Variants in PIAS1 observed in about 807,000 individuals in gnomAD.
PIAS1 encodes the protein E3 SUMO-protein ligase PIAS1.
In PIAS1, 6 loss-of-function variants were observed where a neutral mutation model predicts 71.3. That is an observed-to-expected ratio of 0.08 (90% CI 0.05 to 0.17). The LOEUF is 0.17. Ranked by LOEUF, PIAS1 falls within the 10% of genes least tolerant of loss-of-function variation. The probability of loss-of-function intolerance (pLI) is 1.00; values close to 1 mark genes in which losing one functional copy is unlikely to be tolerated. For synonymous variants in PIAS1, 303 were observed against 292.9 expected, an observed-to-expected ratio of 1.03 and a Z score of -0.35; for missense variants, 555 against 793.6, an observed-to-expected ratio of 0.70 and a Z score of 3.61.
At chr15:68,141,450 T>A (rs1233245501) in intron 2 of PIAS1, among the ~76,000 whole-genome samples, 1 of 152,162 alleles carries the variant, frequency 6.6e-6, no homozygotes, top group Non-Finnish European at 1.5e-5. Context: ...CTGTATGTGA[T>A]ATTTATTGTA....
At chr15:68,145,705 T>A (rs761616316) in intron 4 of PIAS1, 111 bp from the exon 5 acceptor site, 1 of 647,612 alleles carries the variant, frequency 1.5e-6, no homozygotes, top group African/African-American at 1.8e-5. Context: ...TTTATAGTTT[T>A]CCCTTTTGGT....
At chr15:68,153,130 T>C (rs1405183653) in intron 6 of PIAS1, among the ~76,000 whole-genome samples, 1 of 152,086 alleles carries the variant, frequency 6.6e-6, no homozygotes, top group African/African-American at 2.4e-5. Context: ...ATCTCATTTG[T>C]CATTTAAAAA....
chr15:68,090,294 C>T lies in PIAS1; in HGVS notation c.469+3544C>T, dbSNP rs567974095. On this transcript the variant is annotated intron_variant, in intron 2 of 13. Transcript: ENST00000249636. The stretch of plus-strand genomic sequence containing the variant: ...CTTGGTTTGCTGTGGCCTTAACCTC[C>T]CTGGCTCATGCAATTTTCCCAACTC... Among the ~76,000 whole-genome samples the T allele has an allele frequency of 7.0e-4, 107 of 152,072 alleles. 2 individuals are homozygous for T. In the South Asian group the frequency reaches 0.014, roughly 20 times the overall value.
chr15:68,142,209 T>C (rs2092775591), intron 3 of PIAS1, 81 bp from the exon 4 acceptor site: 6 of 1,240,908 alleles, frequency 4.8e-6, no homozygotes, highest in African/African-American at 1.5e-5. Context: ...TGAAAAACTT[T>C]TCTGGAGTAA....
rs188369358 is a variant in PIAS1 at position 68,192,812 on chromosome 15, T to G, written c.*4977T>G. ...AAGCCACAGCCCAGAGAACCCACTT[T>G]TGATACATACATGGATGCAAATCTT... is the stretch of plus-strand genomic sequence containing the variant. On this transcript the variant is annotated 3_prime_UTR_variant, in exon 14 of 14. Coordinates refer to ENST00000249636, the MANE Select transcript of PIAS1 (RefSeq NM_016166.3). 6.6e-6 allele frequency: 1 copy of G among 152,408 alleles called. No individual in the cohort carries two copies. Among genetic ancestry groups the G allele is most frequent in the African/African-American group, 2.4e-5 (1 of 41,580 alleles). 9.4% of individuals were successfully genotyped at this position (152,408 alleles called of 1,614,324 possible).
At chr15:68,157,023 G>A (rs890864574) in intron 7 of PIAS1, among the ~76,000 whole-genome samples, 1 of 152,192 alleles carries the variant, frequency 6.6e-6, no homozygotes, top group African/African-American at 2.4e-5. Flanking sequence ...GTTTTGAGAA[G>A]CATTGAAATG....
intron 2 of PIAS1, among the ~76,000 whole-genome samples, chr15:68,122,083 C>G (rs1459655059): frequency 6.6e-6 from 1 of 152,084 alleles, no homozygotes; most frequent in Admixed American, 6.6e-5. Flanking sequence ...GAGCCAAGAT[C>G]GAGCCACTGC....
rs1302662685 is a variant in PIAS1 at position 68,193,257 on chromosome 15, A to C, written c.*5422A>C. 1.3e-5 allele frequency: 2 copies of C among 152,268 alleles called. No homozygotes were observed. The highest frequency in any genetic ancestry group is 2.9e-5 in the Non-Finnish European group (2 of 68,092). The allele number at this position is 152,268 out of a possible 1,614,324, so 9.4% of individuals were successfully genotyped here. A position where few individuals can be genotyped will look rare whatever the true frequency, so the allele number is the denominator to read the frequency against. On this transcript the variant is annotated 3_prime_UTR_variant, in exon 14 of 14. Coordinates refer to ENST00000249636, the MANE Select transcript of PIAS1 (RefSeq NM_016166.3). ...TTCTTGAGCTCTGCAAGGCCAGTCA[A>C]TTTAGCAGCTCACATCTGGTTTCCT...
At chr15:68,087,463 A>G (rs1447594133) in intron 2 of PIAS1, among the ~76,000 whole-genome samples, 1 of 152,218 alleles carries the variant, frequency 6.6e-6, no homozygotes, top group Non-Finnish European at 1.5e-5. Flanking sequence ...TGCCTTTGGT[A>G]TAATATATTT....
intron 2 of PIAS1, among the ~76,000 whole-genome samples, chr15:68,121,720 C>T (rs140939658): frequency 1.9e-3 from 294 of 152,220 alleles, no homozygotes; most frequent in Middle Eastern, 3.4e-3. Flanking sequence ...TATCTCTACC[C>T]AGACCTCTCT....
intron 2 of PIAS1, among the ~76,000 whole-genome samples, chr15:68,119,397 A>T (rs1033552718): frequency 1.2e-4 from 18 of 152,008 alleles, no homozygotes; most frequent in Non-Finnish European, 2.1e-4. Flanking sequence ...GTGAGCCAAG[A>T]TCATGCCACT....
intron 11 of PIAS1, among the ~76,000 whole-genome samples, chr15:68,180,073 T>G (rs1011044294): frequency 1.2e-4 from 18 of 152,052 alleles, no homozygotes; most frequent in African/African-American, 4.1e-4. Flanking sequence ...CTACTATAAT[T>G]GTTTTTCTTT....
intron 2 of PIAS1, among the ~76,000 whole-genome samples, chr15:68,138,741 C>T (rs1488559328): frequency 6.6e-6 from 1 of 152,216 alleles, no homozygotes; most frequent in Non-Finnish European, 1.5e-5. Flanking sequence ...TCCCAAAGTG[C>T]TGGGATTACA....
At chr15:68,180,217 A>G (rs535287918) in intron 11 of PIAS1, among the ~76,000 whole-genome samples, 25 of 151,890 alleles carry the variant, frequency 1.6e-4, no homozygotes, top group African/African-American at 5.3e-4. Context: ...CCTCTCATCT[A>G]TCTCCCAAGT....
intron 1 of PIAS1, among the ~76,000 whole-genome samples, chr15:68,057,000 T>C (rs1267834522): frequency 6.6e-6 from 1 of 152,166 alleles, no homozygotes; most frequent in Non-Finnish European, 1.5e-5. Flanking sequence ...TCAGTGACTT[T>C]TCATTATTTT....
chr15:68,142,204 A>G, intron 3 of PIAS1, 86 bp from the exon 4 acceptor site: 1 of 1,210,082 alleles, frequency 8.3e-7, no homozygotes, highest in Non-Finnish European at 1.2e-6. Flanking sequence ...TAATTTGAAA[A>G]ACTTTTCTGG....
chr15:68,153,437 A>G (rs560882390), intron 6 of PIAS1, among the ~76,000 whole-genome samples, 153 bp from the exon 7 acceptor site: 1 of 152,290 alleles, frequency 6.6e-6, no homozygotes, highest in South Asian at 2.1e-4. Flanking sequence ...TCAGGATTAA[A>G]TGAATTACTG....
chr15:68,168,682 A>T (rs978748145), intron 8 of PIAS1, among the ~76,000 whole-genome samples: 72 of 152,214 alleles, frequency 4.7e-4, no homozygotes, highest in South Asian at 1.9e-3. Flanking sequence ...GATTTTTTTA[A>T]AAAAAATCAG....
chr15:68,057,502 G>T (rs1273155646), intron 1 of PIAS1: 3 of 444,466 alleles, frequency 6.7e-6, no homozygotes, highest in Non-Finnish European at 1.3e-5. Context: ...GAGAGAAGAA[G>T]TCCATCAGCA....
Sources: allele counts gnomAD v4.1 joint callset (sites outside exome capture counted in the v4.1 genomes callset), GRCh38; gene constraint gnomAD v4.1.1; transcripts MANE v1.5; gene names NCBI Gene and HGNC (gene_info 2026-07-23, HGNC 2026-07-21).